SMYD3: variants seen among roughly 807,000 people sequenced by gnomAD.
SMYD3 encodes the protein SET and MYND domain containing 3, also known as histone-lysine N-methyltransferase SMYD3.
In SMYD3, 36 loss-of-function variants were observed where a neutral mutation model predicts 57.7. The observed-to-expected ratio is 0.62, with a 90% CI of 0.48 to 0.82. SMYD3 has a LOEUF of 0.82. Among genes scored for constraint, SMYD3 ranks in the 40% least tolerant of loss-of-function variants. SMYD3 has a pLI of 0.00. For missense variants in SMYD3, 515 were observed against 538.8 expected (o/e 0.96, Z 0.44); for synonymous variants, 211 against 195.0 (o/e 1.08, Z -0.68).
chr1:245,781,963 T>C (rs540295356), intron 10 of SMYD3, among the ~76,000 whole-genome samples: 32 of 139,256 alleles, frequency 2.3e-4, no homozygotes, highest in Admixed American at 4.9e-4. Flanking sequence ...AGTGAGACTA[T>C]GTCTCAAAAA....
chr1:246,082,709 G>A (rs894291838), intron 5 of SMYD3, among the ~76,000 whole-genome samples: 4 of 152,122 alleles, frequency 2.6e-5, no homozygotes, highest in African/African-American at 9.7e-5. Context: ...AGAGAGATCA[G>A]ACTGTTACTG....
chr1:246,009,678 T>C (rs1039831971), intron 5 of SMYD3, among the ~76,000 whole-genome samples: 23 of 152,118 alleles, frequency 1.5e-4, no homozygotes, highest in Non-Finnish European at 2.1e-4. Context: ...CAGGTCTTAG[T>C]ATTCTCCTTA....
intron 5 of SMYD3, among the ~76,000 whole-genome samples, chr1:246,084,195 C>CTTTTTTTTTTT (rs772938424): frequency 1.5e-5 from 2 of 135,486 alleles, no homozygotes; most frequent in Admixed American, 7.4e-5. Flanking sequence ...CTGACAATTC[C>CTTTTTTTTTTT]TTTTTTTTTT....
At chr1:246,103,839 T>A (rs559831585) in intron 5 of SMYD3, among the ~76,000 whole-genome samples, 1 of 152,198 alleles carries the variant, frequency 6.6e-6, no homozygotes, top group South Asian at 2.1e-4. Context: ...GCTGATCACT[T>A]CTCAGCAGGT....
chr1:246,493,527 T>C (rs927845026), intron 1 of SMYD3, among the ~76,000 whole-genome samples: 2 of 152,204 alleles, frequency 1.3e-5, no homozygotes, highest in African/African-American at 4.8e-5. Context: ...TATGGAGGTC[T>C]TCTATGGTCT....
intron 5 of SMYD3, among the ~76,000 whole-genome samples, chr1:246,257,107 A>G (rs2063909515): frequency 1.3e-5 from 2 of 152,208 alleles, no homozygotes; most frequent in South Asian, 4.1e-4. Context: ...AGTATGTTCC[A>G]GGTGCAGATG....
chr1:246,129,432 T>C (rs1014815205), intron 5 of SMYD3, among the ~76,000 whole-genome samples: 1 of 151,868 alleles, frequency 6.6e-6, no homozygotes, highest in Middle Eastern at 3.2e-3. Flanking sequence ...AAATTAAGAA[T>C]AGAGTAAAGC....
chr1:245,986,172 A>G (rs1285954425), intron 5 of SMYD3, among the ~76,000 whole-genome samples: 1 of 150,412 alleles, frequency 6.6e-6, no homozygotes, highest in African/African-American at 2.4e-5. Context: ...CAACTTTAAC[A>G]TGTTTCATCT....
intron 1 of SMYD3, among the ~76,000 whole-genome samples, chr1:246,424,280 TTAGAGA>T (rs2103001094): frequency 6.6e-6 from 1 of 152,064 alleles, no homozygotes; most frequent in African/African-American, 2.4e-5. Flanking sequence ...TTATGATGAG[TTAGAGA>T]TAGATGTTTT....
At chr1:246,254,060 G>T (rs952377833) in intron 5 of SMYD3, among the ~76,000 whole-genome samples, 2 of 151,990 alleles carry the variant, frequency 1.3e-5, no homozygotes, top group Admixed American at 1.3e-4. Context: ...AAAAAACTTT[G>T]TCAGATGTGT....
chr1:246,353,639 A>G (rs1426696548), intron 2 of SMYD3, among the ~76,000 whole-genome samples: 2 of 152,266 alleles, frequency 1.3e-5, no homozygotes, highest in East Asian at 3.8e-4. Flanking sequence ...AAGAGCAGTT[A>G]AAAGTCTGAA....
At chr1:245,994,423 C>T (rs2058882058) in intron 5 of SMYD3, among the ~76,000 whole-genome samples, 4 of 152,288 alleles carry the variant, frequency 2.6e-5, no homozygotes, top group South Asian at 2.1e-4. Flanking sequence ...CCCTGGCCAT[C>T]GGGTTACTGT....
intron 5 of SMYD3, among the ~76,000 whole-genome samples, chr1:246,233,769 G>A (rs1190371245): frequency 8.7e-6 from 1 of 114,968 alleles, no homozygotes; most frequent in Non-Finnish European, 1.7e-5. Flanking sequence ...ACCACGCAGA[G>A]GAGAAACGCT....
intron 5 of SMYD3, among the ~76,000 whole-genome samples, chr1:245,940,565 A>AAAAAAC (rs150936211): frequency 4.7e-5 from 7 of 149,122 alleles, no homozygotes; most frequent in Non-Finnish European, 8.9e-5. Flanking sequence ...TGACTGTTAA[A>AAAAAAC]AAAACAAAAC....
At chr1:246,322,761 T>G (rs574664383) in intron 5 of SMYD3, among the ~76,000 whole-genome samples, 2 of 152,312 alleles carry the variant, frequency 1.3e-5, no homozygotes, top group South Asian at 4.1e-4. Context: ...CTGCAAGTAA[T>G]TTGCTCTAGC....
intron 10 of SMYD3, among the ~76,000 whole-genome samples, chr1:245,802,203 T>C (rs1255741797): frequency 6.6e-6 from 1 of 152,230 alleles, no homozygotes; most frequent in Non-Finnish European, 1.5e-5. Context: ...ACAAAATTAC[T>C]GAATACCCAC....
In SMYD3 at chr1:246,053,224, T is replaced by C. The variant is rs566406315; in HGVS notation, c.532-123287A>G. 1.2e-4 allele frequency among the ~76,000 whole-genome samples: 18 copies of C among 152,198 alleles called. No individual in the cohort carries two copies. The East Asian group carries it at 2.9e-3, about 24-fold the overall frequency. On this transcript the variant is annotated intron_variant, in intron 5 of 11. Coordinates refer to ENST00000490107, the MANE Select transcript of SMYD3 (RefSeq NM_001167740.2). Reference sequence around the variant, plus strand: ...AAAAATTTTTTTAAAAAAAGGGACATACCATGTTCACGATTCAATATTAAG... The same window carrying C: ...AAAAATTTTTTTAAAAAAAGGGACACACCATGTTCACGATTCAATATTAAG...
chr1:245,763,973 A>T (rs2045965189), intron 11 of SMYD3, 68 bp downstream of exon 11: 2 of 1,196,198 alleles, frequency 1.7e-6, no homozygotes, highest in African/African-American at 3.0e-5. Context: ...AACAAATCAC[A>T]AAGAGGCCCA....
chr1:246,059,866 T>C (rs944629261), intron 5 of SMYD3, among the ~76,000 whole-genome samples: 6 of 152,104 alleles, frequency 3.9e-5, no homozygotes, highest in Admixed American at 2.6e-4. Context: ...GTTGGAACAG[T>C]AGGCATTTAA....
Sources: gnomAD v4.1 joint callset for allele counts (sites outside exome capture counted in the v4.1 genomes callset) on GRCh38, gnomAD v4.1.1 for gene constraint, MANE v1.5 for transcripts, NCBI Gene and HGNC (gene_info 2026-07-23, HGNC 2026-07-21) for gene names.